Variants in NLGN1 observed in about 807,000 individuals in gnomAD.
NLGN1 encodes neuroligin 1, also known as neuroligin-1.
NLGN1 carries 12 observed loss-of-function variants against 65.5 expected under a neutral mutation model. The ratio of observed to expected loss-of-function variants is 0.18; its 90% CI spans 0.12 to 0.30. The LOEUF (loss-of-function observed/expected upper bound fraction) is 0.30. Ranked by LOEUF, NLGN1 falls within the 10% of genes least tolerant of loss-of-function variation. NLGN1 has a pLI of 1.00. For missense variants in NLGN1, 750 were observed against 1,007.1 expected (o/e 0.74, Z 3.46); for synonymous variants, 350 against 359.5 (o/e 0.97, Z 0.30).
At position 173,409,729 on chromosome 3, in the gene NLGN1, A is replaced by G. The variant is rs115076117; in HGVS notation, c.-390+11242A>G. Among the ~76,000 whole-genome samples, 221 of 152,296 alleles carry G rather than the reference A, an allele frequency of 1.5e-3. 1 individual carries two copies. Among genetic ancestry groups the G allele is most frequent in the African/African-American group, 5.2e-3 (215 of 41,552 alleles). On this transcript the variant is annotated intron_variant, in intron 1 of 6. Transcript: ENST00000457714. The stretch of plus-strand genomic sequence containing the variant: ...TTCTAAATGCAAATATCAGCAACCA[A>G]CACTCTAATATGAATAAGTTTGTCT...
At chr3:173,944,425 T>C (rs2152315670) in intron 4 of NLGN1, among the ~76,000 whole-genome samples, 1 of 152,250 alleles carries the variant, frequency 6.6e-6, no homozygotes, top group Admixed American at 6.5e-5. Context: ...TACTTGATGC[T>C]CTATGTTAGA....
At chr3:173,752,138 T>C (rs890559093) in intron 3 of NLGN1, among the ~76,000 whole-genome samples, 9 of 152,136 alleles carry the variant, frequency 5.9e-5, no homozygotes, top group African/African-American at 2.2e-4. Context: ...TTCACAAATG[T>C]AAGTTATTTC....
intron 3 of NLGN1, among the ~76,000 whole-genome samples, chr3:173,759,587 A>C (rs1777653790): frequency 1.3e-5 from 2 of 151,994 alleles, no homozygotes; most frequent in South Asian, 4.1e-4. Context: ...TAGGCATTGC[A>C]ATGCTATTGG....
intron 2 of NLGN1, among the ~76,000 whole-genome samples, chr3:173,465,722 A>G (rs754001432): frequency 6.6e-6 from 1 of 152,234 alleles, no homozygotes; most frequent in African/African-American, 2.4e-5. Context: ...CTATTGTTAT[A>G]TTGAGAGATT....
chr3:173,545,254 A>G (rs1739593225), intron 2 of NLGN1, among the ~76,000 whole-genome samples: 1 of 151,938 alleles, frequency 6.6e-6, no homozygotes, highest in South Asian at 2.1e-4. Context: ...TTGTATTTCT[A>G]GTAGAGATGG....
chr3:173,970,951 C>G (rs564385850), intron 4 of NLGN1, among the ~76,000 whole-genome samples: 1 of 151,896 alleles, frequency 6.6e-6, no homozygotes, highest in Admixed American at 6.6e-5. Flanking sequence ...GTGTTTTAGA[C>G]GTGTTAAATT....
chr3:174,137,462 A>G (rs896661569), intron 4 of NLGN1, among the ~76,000 whole-genome samples: 3 of 152,242 alleles, frequency 2.0e-5, no homozygotes, highest in Non-Finnish European at 2.9e-5. Flanking sequence ...ACCTTGGAAA[A>G]CTAATGTCAA....
chr3:174,264,315 T>C (rs1747564627), intron 4 of NLGN1, among the ~76,000 whole-genome samples: 1 of 149,322 alleles, frequency 6.7e-6, no homozygotes, highest in African/African-American at 2.5e-5. Context: ...CACTTTCAGG[T>C]ACACCAATCA....
intron 4 of NLGN1, among the ~76,000 whole-genome samples, chr3:174,184,155 A>T (rs759970447): frequency 1.1e-4 from 16 of 152,308 alleles, no homozygotes; most frequent in African/African-American, 3.4e-4. Flanking sequence ...TAGACAAAAA[A>T]TATGCAGTAA....
intron 2 of NLGN1, among the ~76,000 whole-genome samples, chr3:173,516,888 C>A (rs1183831793): frequency 1.3e-5 from 2 of 151,934 alleles, no homozygotes; most frequent in East Asian, 1.9e-4. Context: ...ATGAATAATA[C>A]AAATTGATTA....
chr3:174,196,194 A>T (rs567695334), intron 4 of NLGN1, among the ~76,000 whole-genome samples: 2 of 152,350 alleles, frequency 1.3e-5, no homozygotes, highest in East Asian at 3.9e-4. Context: ...GTGCCTGGCA[A>T]TAGGGTCTGA....
intron 2 of NLGN1, among the ~76,000 whole-genome samples, chr3:173,583,846 T>A (rs1057203078): frequency 1.3e-5 from 2 of 152,026 alleles, no homozygotes; most frequent in Middle Eastern, 3.4e-3. Flanking sequence ...ACACTAAAAG[T>A]CCCAAATGAG....
At chr3:174,163,415 A>G (rs1027892672) in intron 4 of NLGN1, among the ~76,000 whole-genome samples, 3 of 151,916 alleles carry the variant, frequency 2.0e-5, no homozygotes, top group Admixed American at 6.6e-5. Flanking sequence ...TTAGTTGTTA[A>G]TGTTTCATTT....
chr3:173,721,017 A>T (rs995290156), intron 3 of NLGN1, among the ~76,000 whole-genome samples: 38 of 152,356 alleles, frequency 2.5e-4, no homozygotes, highest in Middle Eastern at 3.4e-3. Flanking sequence ...AGGCAGAAAG[A>T]TCAGCACAAA....
chr3:173,741,962 A>AC (rs945542981), intron 3 of NLGN1, among the ~76,000 whole-genome samples: 2 of 151,842 alleles, frequency 1.3e-5, no homozygotes, highest in Non-Finnish European at 2.9e-5. Context: ...TGGCCTTCCC[A>AC]CCCCCTCTAG....
chr3:174,282,240 C>CAT (rs1271976020), exon 7 of NLGN1: 1 of 152,136 alleles, frequency 6.6e-6, no homozygotes, highest in Non-Finnish European at 1.5e-5. Context: ...CCTAATTGGA[C>CAT]ATGTGGTACA....
chr3:173,622,599 C>A (rs1464119582), intron 3 of NLGN1, among the ~76,000 whole-genome samples: 1 of 151,566 alleles, frequency 6.6e-6, no homozygotes, highest in Non-Finnish European at 1.5e-5. Context: ...AAAAAAAAAC[C>A]CAAAGCTTAT....
intron 1 of NLGN1, among the ~76,000 whole-genome samples, chr3:173,415,901 A>G (rs563372654): frequency 7.5e-6 from 1 of 133,748 alleles, no homozygotes; most frequent in Non-Finnish European, 1.5e-5. Flanking sequence ...ATATATATAT[A>G]TATAGAGAGA....
chr3:173,632,213 G>A (rs1037856913), intron 3 of NLGN1, among the ~76,000 whole-genome samples: 12 of 152,172 alleles, frequency 7.9e-5, no homozygotes, highest in South Asian at 2.1e-4. Context: ...GGGCAGCATC[G>A]TTGGAAATGG....
Sources: allele counts gnomAD v4.1 joint callset (sites outside exome capture counted in the v4.1 genomes callset), GRCh38; gene constraint gnomAD v4.1.1; transcripts MANE v1.5; gene names NCBI Gene and HGNC (gene_info 2026-07-23, HGNC 2026-07-21).